The following ABLIM3 variants were observed in gnomAD, a reference collection of about 807,000 sequenced individuals.
The protein encoded by ABLIM3 is actin-binding LIM protein 3.
In ABLIM3, 61 loss-of-function variants were observed where a neutral mutation model predicts 109.5. That is an observed-to-expected ratio of 0.56 (90% confidence interval 0.45 to 0.69). The LOEUF is 0.69. Among genes scored for constraint, ABLIM3 ranks in the 30% least tolerant of loss-of-function variants. The pLI, the probability that ABLIM3 is intolerant of heterozygous loss-of-function variation, is 0.00. For synonymous variants in ABLIM3, 300 were observed against 324.8 expected (o/e 0.92, Z 0.82); for missense variants, 796 against 889.5 (o/e 0.89, Z 1.34).
At chr5:149,203,751 G>T (rs893909567) in intron 5 of ABLIM3, among the ~76,000 whole-genome samples, 1 of 151,946 alleles carries the variant, frequency 6.6e-6, no homozygotes, top group Non-Finnish European at 1.5e-5. Flanking sequence ...CACCAACACT[G>T]TCAACACCAA....
chr5:149,203,097 T>C (rs1227129806), intron 5 of ABLIM3, among the ~76,000 whole-genome samples: 6 of 151,314 alleles, frequency 4.0e-5, no homozygotes, highest in Non-Finnish European at 7.4e-5. Flanking sequence ...GCCATCACCA[T>C]TGCACCACTA....
intron 10 of ABLIM3, among the ~76,000 whole-genome samples, chr5:149,235,909 T>C (rs746743763): frequency 6.6e-6 from 1 of 152,104 alleles, no homozygotes; most frequent in African/African-American, 2.4e-5. Context: ...CATAATGTTG[T>C]TACCACACTG....
At chr5:149,229,667 C>G (rs761520290) in intron 8 of ABLIM3, among the ~76,000 whole-genome samples, 1 of 152,264 alleles carries the variant, frequency 6.6e-6, no homozygotes, top group Non-Finnish European at 1.5e-5. Flanking sequence ...AGGAATCCAG[C>G]CATTGCTGGC....
intron 2 of ABLIM3, among the ~76,000 whole-genome samples, chr5:149,159,040 G>A (rs149779632): frequency 8.2e-4 from 125 of 152,230 alleles, no homozygotes; most frequent in African/African-American, 2.9e-3. Context: ...CCCTGTGAAC[G>A]ATAAAAACAT....
intron 4 of ABLIM3, chr5:149,199,100 C>T (rs893398891): frequency 1.5e-5 from 7 of 456,566 alleles, no homozygotes; most frequent in African/African-American, 1.4e-4. Context: ...TCCGCATCAC[C>T]ATCACTTGTT....
intron 7 of ABLIM3, among the ~76,000 whole-genome samples, chr5:149,213,078 A>G (rs757843035): frequency 2.6e-4 from 40 of 152,222 alleles, no homozygotes; most frequent in Non-Finnish European, 4.6e-4. Context: ...GCACCACTAC[A>G]CTCCCGCCTG....
intron 10 of ABLIM3, among the ~76,000 whole-genome samples, chr5:149,234,811 C>A (rs1762186981): frequency 2.6e-5 from 4 of 152,128 alleles, no homozygotes; most frequent in African/African-American, 7.2e-5. Flanking sequence ...AGTATGTTTC[C>A]AGAAGAGAGT....
At chr5:149,218,022 C>T (rs1760269695) in intron 8 of ABLIM3, 1 of 152,270 alleles carries the variant, frequency 6.6e-6, no homozygotes. Context: ...TTTGAGAGCA[C>T]ATAACGGGGT....
In ABLIM3 at chr5:149,206,789, T is replaced by C. The variant is rs74326745; in HGVS notation, c.449-219T>C. ...GTGGTCTTGATGACAAGCAGGGAGG[T>C]CTTTCTTTCTCTCCTACACCAAGAC... is the stretch of plus-strand genomic sequence containing the variant. On this transcript the variant is annotated intron_variant, in intron 5 of 23. Transcript: ENST00000309868. 6.4e-3 allele frequency among the ~76,000 whole-genome samples: 975 copies of C among 151,400 alleles called. 11 individuals are homozygous for C. Among genetic ancestry groups the C allele is most frequent in the African/African-American group, 0.022 (923 of 41,220 alleles).
intron 2 of ABLIM3, among the ~76,000 whole-genome samples, chr5:149,152,063 T>C (rs1753484503): frequency 6.6e-6 from 1 of 152,166 alleles, no homozygotes; most frequent in African/African-American, 2.4e-5. Flanking sequence ...CAATGGGAAA[T>C]TGGGAAATCA....
intron 2 of ABLIM3, among the ~76,000 whole-genome samples, chr5:149,161,537 G>A (rs958424893): frequency 6.6e-6 from 1 of 152,210 alleles, no homozygotes; most frequent in Non-Finnish European, 1.5e-5. Flanking sequence ...TGGGCCTCTG[G>A]CCCACACGTT....
intron 10 of ABLIM3, among the ~76,000 whole-genome samples, chr5:149,233,731 G>A (rs774185433): frequency 1.3e-5 from 2 of 152,202 alleles, no homozygotes; most frequent in Non-Finnish European, 2.9e-5. Context: ...AGGCAGAAAG[G>A]AGAAGGAAGC....
At chr5:149,213,424 CTG>C (rs1759755344) in intron 7 of ABLIM3, among the ~76,000 whole-genome samples, 1 of 152,126 alleles carries the variant, frequency 6.6e-6, no homozygotes, top group Admixed American at 6.5e-5. Context: ...TGGTCAAACT[CTG>C]TAGAGCAGTG....
chr5:149,147,915 A>T (rs925311870), intron 2 of ABLIM3, among the ~76,000 whole-genome samples: 1 of 152,142 alleles, frequency 6.6e-6, no homozygotes. Context: ...GCATCATGTC[A>T]GTGATGGGTG....
intron 3 of ABLIM3, among the ~76,000 whole-genome samples, chr5:149,189,472 T>C (rs1383271005): frequency 6.6e-6 from 1 of 152,232 alleles, no homozygotes; most frequent in African/African-American, 2.4e-5. Flanking sequence ...AAAATATTTG[T>C]GTCTCAGCTA....
rs2918265 is a variant in ABLIM3, at chr5:149,230,713, C to T, written c.816+6C>T. On this transcript the variant is annotated splice_donor_region_variant and intron_variant, in intron 9 of 23. Transcript: ENST00000309868. ...GGGCAGAGAAGAAGTTAAAGGTAAG[C>T]AAGCTAGTAGATTCCAGACCAGCAC... is the stretch of plus-strand genomic sequence containing the variant. 1.2e-6 allele frequency: 2 copies of T among 1,613,618 alleles called. No individual in the cohort carries two copies. Among genetic ancestry groups the T allele is most frequent in the Middle Eastern group, 1.6e-4 (1 of 6,062 alleles).
chr5:149,213,304 T>A (rs190770880), intron 7 of ABLIM3, among the ~76,000 whole-genome samples: 2 of 152,098 alleles, frequency 1.3e-5, no homozygotes, highest in East Asian at 3.9e-4. Context: ...CTGCTCACAG[T>A]GAAAGCGACT....
intron 23 of ABLIM3, among the ~76,000 whole-genome samples, chr5:149,254,692 C>A (rs759816825): frequency 6.6e-6 from 1 of 152,168 alleles, no homozygotes; most frequent in Non-Finnish European, 1.5e-5. Flanking sequence ...TCAACAAGGG[C>A]CTCCTCCTTT....
At chr5:149,244,274 A>C (rs530755154) in intron 15 of ABLIM3, 5 of 153,224 alleles carry the variant, frequency 3.3e-5, no homozygotes, top group Non-Finnish European at 5.8e-5. Context: ...TGACACTTAC[A>C]GATGAGGAAA....
Sources: allele counts gnomAD v4.1 joint callset (sites outside exome capture counted in the v4.1 genomes callset), GRCh38; gene constraint gnomAD v4.1.1; transcripts MANE v1.5; gene names NCBI Gene and HGNC (gene_info 2026-07-23, HGNC 2026-07-21).